NT5DC1: variants seen among roughly 807,000 people sequenced by gnomAD.
The protein encoded by NT5DC1 is 5'-nucleotidase domain-containing protein 1.
A neutral mutation model predicts 59.4 loss-of-function variants in NT5DC1; 42 were observed. The ratio of observed to expected loss-of-function variants is 0.71; its 90% CI spans 0.55 to 0.92. The LOEUF (loss-of-function observed/expected upper bound fraction) is 0.92. Among genes scored for constraint, NT5DC1 ranks in the 40% least tolerant of loss-of-function variants. NT5DC1 has a pLI of 0.00. For synonymous variants in NT5DC1, 172 were observed against 188.1 expected (o/e 0.91, Z 0.70); for missense variants, 501 against 537.1 (o/e 0.93, Z 0.66).
rs1302854548 is a variant in NT5DC1, at chr6:116,115,695, G to A, written c.369G>A (p.Lys123=). The change falls in exon 5 of 12, where the codon AAG becomes AAA. Residue 123 remains lysine, a synonymous_variant. Coordinates refer to ENST00000319550, the MANE Select transcript of NT5DC1 (RefSeq NM_152729.3). Reference sequence around the variant, plus strand: ...TAAAATTTTGTTCTTTTTTAGGAAAGTATTACTTTTACGACAACTACTTTG... The same window carrying A: ...TAAAATTTTGTTCTTTTTTAGGAAAATATTACTTTTACGACAACTACTTTG... ...SDTGMACRSG[K]YYFYDNYFDL... 6.4e-7 allele frequency: 1 copy of A among 1,566,632 alleles called. No homozygotes were observed. The highest frequency in any genetic ancestry group is 1.1e-5 in the South Asian group (1 of 90,200).
At chr6:116,223,814 A>C (rs896633028) in intron 8 of NT5DC1, among the ~76,000 whole-genome samples, 1 of 152,238 alleles carries the variant, frequency 6.6e-6, no homozygotes, top group African/African-American at 2.4e-5. Context: ...AGGACCATTC[A>C]GAAGTTCTCT....
chr6:116,121,933 A>G, intron 6 of NT5DC1: 2 of 1,613,430 alleles, frequency 1.2e-6, no homozygotes, highest in Non-Finnish European at 1.7e-6. Context: ...GTGGACCAGG[A>G]GTACCTTGCT....
intron 6 of NT5DC1, among the ~76,000 whole-genome samples, chr6:116,220,585 C>T (rs766351001): frequency 6.6e-6 from 1 of 152,226 alleles, no homozygotes; most frequent in Admixed American, 6.5e-5. Flanking sequence ...AAATAGCAAA[C>T]TGTGACTCTG....
chr6:116,130,034 G>A (rs1779422397), intron 6 of NT5DC1, among the ~76,000 whole-genome samples: 1 of 152,062 alleles, frequency 6.6e-6, no homozygotes, highest in African/African-American at 2.4e-5. Flanking sequence ...TCTCTTTGGT[G>A]TTACTGGACA....
chr6:116,113,033 T>C (rs539500123), intron 4 of NT5DC1, among the ~76,000 whole-genome samples: 1 of 152,242 alleles, frequency 6.6e-6, no homozygotes, highest in Admixed American at 6.5e-5. Context: ...TGACCTAACA[T>C]AAGAACAGTG....
At chr6:116,150,110 C>T (rs1484774763) in intron 6 of NT5DC1, among the ~76,000 whole-genome samples, 1 of 151,968 alleles carries the variant, frequency 6.6e-6, no homozygotes, top group Non-Finnish European at 1.5e-5. Flanking sequence ...GATAAAAAGT[C>T]GAGTCTTTGA....
chr6:116,110,883 G>T lies in NT5DC1; in HGVS notation c.291G>T (p.Glu97Asp), dbSNP rs1778861620. The T allele has an allele frequency of 4.3e-6, 7 of 1,613,996 alleles. No individual in the cohort carries two copies. The highest frequency in any genetic ancestry group is 5.9e-6 in the Non-Finnish European group (7 of 1,179,928). ...ASHGTKMMTP[E>D]VLAEAYGKKE... ...ATGGCACCAAGATGATGACTCCAGAGGTGCTGGCAGAGGCATATGGCAAGA... is the reference window on the plus strand; with the variant it reads ...ATGGCACCAAGATGATGACTCCAGATGTGCTGGCAGAGGCATATGGCAAGA... Residue 97 changes from glutamate (E) to aspartate (D), a missense_variant, in exon 4 of 12, where the codon GAG becomes GAT. Physicochemically the swap from Glu to Asp is conservative, Grantham distance 45. Coordinates refer to ENST00000319550, the MANE Select transcript of NT5DC1 (RefSeq NM_152729.3).
intron 6 of NT5DC1, among the ~76,000 whole-genome samples, chr6:116,161,893 T>C (rs1463624342): frequency 3.9e-5 from 6 of 152,222 alleles, no homozygotes; most frequent in African/African-American, 1.4e-4. Flanking sequence ...TTGTGTCATC[T>C]ACAGTTTCAT....
chr6:116,220,065 G>A (rs1475806261), intron 6 of NT5DC1, among the ~76,000 whole-genome samples: 2 of 147,932 alleles, frequency 1.4e-5, no homozygotes, highest in Non-Finnish European at 3.0e-5. Context: ...AGAGAGTCAC[G>A]GATGTATCCC....
intron 6 of NT5DC1, among the ~76,000 whole-genome samples, chr6:116,154,971 G>T (rs1780147748): frequency 6.6e-6 from 1 of 152,096 alleles, no homozygotes; most frequent in African/African-American, 2.4e-5. Context: ...CAACCACATT[G>T]TTCTTTCTGT....
In NT5DC1 at chr6:116,125,390, G is replaced by A. The variant is rs768980930; in HGVS notation, c.529+7445G>A. On this transcript the variant is annotated intron_variant, in intron 6 of 11. Transcript: ENST00000319550. ...AAGAACTGTGTCTTGGTGTTGGGTA[G>A]TGGGCCTTTTATGCCTGTGGGCATT... 2 of 1,613,736 alleles carry A rather than the reference G, an allele frequency of 1.2e-6. No individual in the cohort carries two copies. The highest frequency in any genetic ancestry group is 2.2e-5 in the East Asian group (1 of 44,826).
At chr6:116,121,815 C>A (rs771383148) in intron 6 of NT5DC1, 1 of 1,613,798 alleles carries the variant, frequency 6.2e-7, no homozygotes, top group Non-Finnish European at 8.5e-7. Context: ...GCTGATGGTC[C>A]CGGTGGTCCT....
chr6:116,141,885 A>AACACACACACACACACACACACACACAC (rs3051942), intron 6 of NT5DC1, among the ~76,000 whole-genome samples: 2 of 140,330 alleles, frequency 1.4e-5, no homozygotes, highest in African/African-American at 5.4e-5. Flanking sequence ...CCAAAAAGAA[A>AACACACACACACACACACACACACACAC]ACACACACAC....
intron 6 of NT5DC1, among the ~76,000 whole-genome samples, chr6:116,152,574 A>G (rs1780072360): frequency 6.6e-6 from 1 of 152,052 alleles, no homozygotes; most frequent in African/African-American, 2.4e-5. Flanking sequence ...CTCACATGGG[A>G]CTTTCATCCT....
rs1771846367 is a variant in NT5DC1, at chr6:116,246,260, C to G, written c.*2236C>G. ...GCGAGCGGAGGTTTTCTTTGCTGGC[C>G]ACTGTTTATCGCATCAGCAGAGGAA... On this transcript the variant is annotated 3_prime_UTR_variant, in exon 12 of 12. Transcript: ENST00000319550. 2.0e-5 allele frequency: 3 copies of G among 151,976 alleles called. No individual in the cohort carries two copies. Among genetic ancestry groups the G allele is most frequent in the Admixed American group, 2.0e-4 (3 of 15,260 alleles). The allele number at this position is 151,976 out of a possible 1,614,324, so 9.4% of individuals were successfully genotyped here.
chr6:116,216,999 T>G (rs1781699346), intron 6 of NT5DC1, among the ~76,000 whole-genome samples: 1 of 152,204 alleles, frequency 6.6e-6, no homozygotes, highest in Non-Finnish European at 1.5e-5. Context: ...ATGGAAGTGT[T>G]AGCATCCTGG....
At chr6:116,227,137 C>T (rs938271270) in intron 8 of NT5DC1, among the ~76,000 whole-genome samples, 4 of 152,236 alleles carry the variant, frequency 2.6e-5, no homozygotes, top group African/African-American at 7.2e-5. Flanking sequence ...AATACCCCTA[C>T]CCCTAGCCTC....
At chr6:116,218,505 A>G (rs973197965) in intron 6 of NT5DC1, among the ~76,000 whole-genome samples, 2 of 152,200 alleles carry the variant, frequency 1.3e-5, no homozygotes, top group African/African-American at 4.8e-5. Flanking sequence ...AGAGAGACAC[A>G]GCCTCTGAAA....
At chr6:116,115,433 A>G (rs111630689) in intron 4 of NT5DC1, among the ~76,000 whole-genome samples, 4 of 152,276 alleles carry the variant, frequency 2.6e-5, no homozygotes, top group African/African-American at 9.6e-5. Context: ...TAGTTTTTAC[A>G]TTCTTTAAGA....
Sources: allele counts gnomAD v4.1 joint callset (sites outside exome capture counted in the v4.1 genomes callset), GRCh38; gene constraint gnomAD v4.1.1; transcripts MANE v1.5; gene names NCBI Gene and HGNC (gene_info 2026-07-23, HGNC 2026-07-21).